The following NCOR2 variants were observed in gnomAD, a reference collection of about 807,000 sequenced individuals.
NCOR2 encodes nuclear receptor corepressor 2.
Under a neutral mutation model 262.9 loss-of-function variants are expected in NCOR2, and 81 were observed. That is an observed-to-expected ratio of 0.31 (90% confidence interval 0.26 to 0.37). The LOEUF is 0.37. Ranked by LOEUF, NCOR2 falls within the 10% of genes least tolerant of loss-of-function variation. The pLI is 1.00. For synonymous variants in NCOR2, 1,659 were observed against 1,559.3 expected (o/e 1.06, Z -1.51); for missense variants, 3,385 against 3,621.4 (o/e 0.93, Z 1.68).
intron 7 of NCOR2, among the ~76,000 whole-genome samples, chr12:124,447,694 CT>C (rs201698986): frequency 3.4e-5 from 5 of 148,260 alleles, no homozygotes; most frequent in African/African-American, 1.3e-4. Flanking sequence ...TTTTTTCTTT[CT>C]TTCTTTTTTT....
intron 6 of NCOR2, among the ~76,000 whole-genome samples, chr12:124,455,278 C>A (rs1287961700): frequency 6.6e-6 from 1 of 152,254 alleles, no homozygotes; most frequent in Non-Finnish European, 1.5e-5. Context: ...AAAAAACAAG[C>A]AAGCAGCAGC....
chr12:124,457,930 G>A lies in NCOR2; in HGVS notation c.706-768C>T, dbSNP rs1330099817. On this transcript the variant is annotated intron_variant, in intron 5 of 46. Transcript: ENST00000405201. This position sits in a 1 kb window ranked among gnomAD's most constrained non-coding sequence, Gnocchi z 4.0. ...GCCCAGGCCAGCCGGGTACAGGGAG[G>A]TGGGGGGCGGAGGGGCTCCTGAAGG... 6.6e-6 allele frequency among the ~76,000 whole-genome samples: 1 copy of A among 152,208 alleles called. No homozygotes were observed. The highest frequency in any genetic ancestry group is 2.4e-5 in the African/African-American group (1 of 41,458).
At chr12:124,346,892 C>T in intron 30 of NCOR2, 42 bp from the exon 33 acceptor site, 3 of 1,465,446 alleles carry the variant, frequency 2.0e-6, no homozygotes, top group Non-Finnish European at 2.7e-6. Context: ...CCGCCCCACC[C>T]AGACCCATCA....
At chr12:124,418,633 C>T (rs2043039406) in intron 13 of NCOR2, among the ~76,000 whole-genome samples, 1 of 152,234 alleles carries the variant, frequency 6.6e-6, no homozygotes, top group Non-Finnish European at 1.5e-5. Flanking sequence ...CTACCGGCCA[C>T]CTGGAGCTGC....
intron 17 of NCOR2, among the ~76,000 whole-genome samples, chr12:124,379,471 C>T (rs566154284): frequency 6.6e-6 from 1 of 152,346 alleles, no homozygotes; most frequent in South Asian, 2.1e-4. Context: ...AACGCATAGA[C>T]AGCAGAGAGC....
rs1474496521 is a variant in NCOR2 at position 124,443,959 on chromosome 12, AG to A, written c.815+5855del. On this transcript the variant is annotated intron_variant, in intron 7 of 46. Coordinates refer to ENST00000405201, the Ensembl canonical transcript of NCOR2. This position sits in a 1 kb window ranked among gnomAD's most constrained non-coding sequence, Gnocchi z 4.4. The stretch of plus-strand genomic sequence containing the variant: ...ACTGAGGCTTGGCTGCTCCTTTCAA[AG>A]GTCGCCCAGCTCCCCGTTCCTCAGC... 6.6e-6 allele frequency among the ~76,000 whole-genome samples: 1 copy of A among 152,034 alleles called. No homozygotes were observed. Among genetic ancestry groups the A allele is most frequent in the Non-Finnish European group, 1.5e-5 (1 of 68,012 alleles).
intron 16 of NCOR2, among the ~76,000 whole-genome samples, chr12:124,391,843 C>T (rs1400209549): frequency 6.6e-6 from 1 of 152,348 alleles, no homozygotes; most frequent in East Asian, 1.9e-4. Flanking sequence ...GGCGCTGTCT[C>T]GCCTACCATT....
At chr12:124,434,771 T>C (rs1339702810) in intron 8 of NCOR2, among the ~76,000 whole-genome samples, 4 of 152,198 alleles carry the variant, frequency 2.6e-5, no homozygotes, top group African/African-American at 7.2e-5. Context: ...GAGTATTTAT[T>C]AGGGGTGAAG....
At chr12:124,515,635 CTG>C (rs1054389990) in intron 1 of NCOR2, among the ~76,000 whole-genome samples, 17 of 127,292 alleles carry the variant, frequency 1.3e-4, no homozygotes, top group Middle Eastern at 3.8e-3. Flanking sequence ...GTGTGCACGA[CTG>C]TGAGTGTGCA....
chr12:124,438,465 T>C (rs2044505533), intron 7 of NCOR2, among the ~76,000 whole-genome samples: 1 of 151,866 alleles, frequency 6.6e-6, no homozygotes, highest in African/African-American at 2.4e-5. Context: ...TGCATGGACC[T>C]CCAGCACACC....
At chr12:124,373,293 G>A (rs2039661976) in intron 19 of NCOR2, among the ~76,000 whole-genome samples, 1 of 65,842 alleles carries the variant, frequency 1.5e-5, no homozygotes, top group African/African-American at 4.3e-5. Flanking sequence ...CAGTGCGTGT[G>A]CAGGGGCCCG....
intron 1 of NCOR2, among the ~76,000 whole-genome samples, chr12:124,554,541 C>T (rs564603115): frequency 3.3e-5 from 5 of 152,388 alleles, no homozygotes; most frequent in Non-Finnish European, 5.9e-5. Context: ...GCCCTCCGCA[C>T]CTCCAAGCAC....
Position 124,340,220 on chromosome 12 carries a change from G to A in NCOR2, c.5489-16C>T. On this transcript the variant is annotated splice_polypyrimidine_tract_variant and intron_variant, in intron 36 of 46. Transcript: ENST00000405201. ...TGCTCTGTACCTGGTGACAGTCAGT[G>A]GCATCAGCAGGGGGAGGCCTCTTGC... The A allele has an allele frequency of 1.9e-6, 3 of 1,605,200 alleles. No homozygotes were observed. Among genetic ancestry groups the A allele is most frequent in the Non-Finnish European group, 2.5e-6 (3 of 1,177,366 alleles).
intron 28 of NCOR2, chr12:124,348,567 C>T (rs545524224): frequency 1.9e-6 from 1 of 526,998 alleles, no homozygotes; most frequent in Non-Finnish European, 3.3e-6. Flanking sequence ...GCACCCTGTA[C>T]CCTAGCCCTC....
exon 46 of NCOR2, chr12:124,326,307 G>T (rs753531077): frequency 6.4e-7 from 1 of 1,556,322 alleles, no homozygotes; most frequent in Non-Finnish European, 8.7e-7. Context: ...TGCCAGGCCC[G>T]GGGCCGGGGA....
At chr12:124,465,090 C>G (rs2046353051) in intron 5 of NCOR2, among the ~76,000 whole-genome samples, 1 of 152,066 alleles carries the variant, frequency 6.6e-6, no homozygotes, top group Non-Finnish European at 1.5e-5. Flanking sequence ...TCGAGGCCTC[C>G]CCACCCCCAC....
intron 44 of NCOR2, among the ~76,000 whole-genome samples, chr12:124,330,416 G>A (rs557126223): frequency 6.6e-6 from 1 of 152,364 alleles, no homozygotes; most frequent in South Asian, 2.1e-4. Flanking sequence ...GAAAAAGTAA[G>A]GCTTCCCAGT....
At chr12:124,434,831 T>C (rs573191991) in intron 8 of NCOR2, among the ~76,000 whole-genome samples, 1 of 152,304 alleles carries the variant, frequency 6.6e-6, no homozygotes, top group East Asian at 1.9e-4. Flanking sequence ...AAACATGTTA[T>C]ACACACAGAG....
At chr12:124,538,306 C>G (rs1316961790), upstream of NCOR2, 1 of 152,430 alleles carries the variant, frequency 6.6e-6, no homozygotes, top group Non-Finnish European at 1.5e-5. Context: ...CACATAGGTC[C>G]AAAGAGGGGT....
Sources: gnomAD v4.1 joint callset for allele counts (sites outside exome capture counted in the v4.1 genomes callset) on GRCh38, gnomAD v4.1.1 for gene constraint, Gnocchi (gnomAD v3.1) non-coding constraint, MANE v1.5 for transcripts, NCBI Gene and HGNC (gene_info 2026-07-23, HGNC 2026-07-21) for gene names.